NDST4: variants seen among roughly 807,000 people sequenced by gnomAD.
The protein encoded by NDST4 is N-deacetylase and N-sulfotransferase 4, also known as N-heparan sulfate sulfotransferase 4.
Under a neutral mutation model 100.8 loss-of-function variants are expected in NDST4, and 63 were observed. The ratio of observed to expected loss-of-function variants is 0.62; its 90% CI spans 0.51 to 0.77. The LOEUF is 0.77. Among genes scored for constraint, NDST4 ranks in the 30% least tolerant of loss-of-function variants. The pLI is 0.00. For missense variants in NDST4, 943 were observed against 1,018.4 expected (o/e 0.93, Z 1.01); for synonymous variants, 377 against 361.8 (o/e 1.04, Z -0.48).
intron 4 of NDST4, among the ~76,000 whole-genome samples, chr4:114,964,421 T>C (rs1254972334): frequency 6.6e-6 from 1 of 152,182 alleles, no homozygotes; most frequent in African/African-American, 2.4e-5. Context: ...AAAGTGTGTT[T>C]TAGGTCTTTA....
chr4:114,991,422 A>G (rs1168048218), intron 2 of NDST4, among the ~76,000 whole-genome samples: 3 of 152,066 alleles, frequency 2.0e-5, no homozygotes, highest in African/African-American at 7.2e-5. Context: ...AAGAAAAACT[A>G]TTCTCAAATA....
chr4:115,096,455 G>A (rs1398271109), intron 1 of NDST4, among the ~76,000 whole-genome samples: 2 of 151,772 alleles, frequency 1.3e-5, no homozygotes, highest in Non-Finnish European at 2.9e-5. Flanking sequence ...GTTCTCATCT[G>A]ATAATCTTGC....
At chr4:114,979,237 C>T (rs1401693114) in intron 2 of NDST4, among the ~76,000 whole-genome samples, 1 of 151,726 alleles carries the variant, frequency 6.6e-6, no homozygotes, top group Non-Finnish European at 1.5e-5. Flanking sequence ...TTGTATAAAG[C>T]CTCCTCTGGT....
intron 3 of NDST4, among the ~76,000 whole-genome samples, chr4:114,974,865 T>C (rs1553958550): frequency 6.6e-6 from 1 of 152,114 alleles, no homozygotes; most frequent in Non-Finnish European, 1.5e-5. Flanking sequence ...CAATCATTAT[T>C]ACACTGGGCC....
intron 1 of NDST4, among the ~76,000 whole-genome samples, chr4:115,108,025 TTG>T (rs1729865542): frequency 2.0e-5 from 3 of 152,002 alleles, no homozygotes; most frequent in African/African-American, 7.2e-5. Context: ...AATTTATTGA[TTG>T]TGTTTTATTT....
intron 2 of NDST4, among the ~76,000 whole-genome samples, chr4:115,029,297 A>AT (rs1203737980): frequency 2.6e-5 from 4 of 152,104 alleles, no homozygotes; most frequent in Non-Finnish European, 5.9e-5. Context: ...CGGTTGAAAA[A>AT]TAGAGCAGCC....
At chr4:114,895,848 CA>C (rs1172579356) in intron 6 of NDST4, among the ~76,000 whole-genome samples, 2 of 152,010 alleles carry the variant, frequency 1.3e-5, no homozygotes, top group East Asian at 3.9e-4. Context: ...CCACCACGAT[CA>C]AGTTGGCTTC....
intron 1 of NDST4, among the ~76,000 whole-genome samples, chr4:115,095,831 C>G (rs1729610429): frequency 6.6e-6 from 1 of 152,024 alleles, no homozygotes; most frequent in South Asian, 2.1e-4. Context: ...TATGCTAGGT[C>G]TTTTCATTAT....
At chr4:115,066,524 C>T (rs1325656354) in intron 2 of NDST4, among the ~76,000 whole-genome samples, 2 of 152,134 alleles carry the variant, frequency 1.3e-5, no homozygotes, top group Admixed American at 1.3e-4. Flanking sequence ...GAGGTCACTG[C>T]TGACTGCCAA....
intron 6 of NDST4, among the ~76,000 whole-genome samples, chr4:114,921,582 C>T (rs1337159396): frequency 6.6e-6 from 1 of 152,070 alleles, no homozygotes; most frequent in East Asian, 1.9e-4. Context: ...AATAAAATCA[C>T]TTGCTTTTTA....
Position 114,970,689 on chromosome 4 carries a change from T to A in NDST4, c.1067-105A>T, listed in dbSNP as rs188098413. ...ATTTTTCATGCTGCTGATACATATA[T>A]CCAATTCTGTGGGCTTTTTAAATCA... is the stretch of plus-strand genomic sequence containing the variant. On this transcript the variant is annotated intron_variant, in intron 3 of 13. Coordinates refer to ENST00000264363, the MANE Select transcript of NDST4 (RefSeq NM_022569.3). 3.8e-5 allele frequency: 35 copies of A among 928,754 alleles called. No individual in the cohort carries two copies. In the African/African-American group the frequency reaches 5.5e-4, roughly 15 times the overall value. The allele number at this position is 928,754 out of a possible 1,614,324, so 57.5% of individuals were successfully genotyped here.
chr4:114,989,408 A>C (rs1726987400), intron 2 of NDST4, among the ~76,000 whole-genome samples: 1 of 152,224 alleles, frequency 6.6e-6, no homozygotes, highest in Non-Finnish European at 1.5e-5. Context: ...TACCTATTCA[A>C]GAAATATTTA....
chr4:114,937,939 A>G (rs1725667120), intron 4 of NDST4, among the ~76,000 whole-genome samples: 1 of 152,054 alleles, frequency 6.6e-6, no homozygotes, highest in Non-Finnish European at 1.5e-5. Flanking sequence ...TGAATAATGA[A>G]GTGATGAGCT....
intron 4 of NDST4, among the ~76,000 whole-genome samples, chr4:114,954,866 G>T (rs1267566405): frequency 3.3e-5 from 5 of 152,044 alleles, no homozygotes; most frequent in Non-Finnish European, 7.4e-5. Flanking sequence ...TGAATTCTCT[G>T]CAAATCTGGT....
At chr4:114,929,022 ATCTGTCTGTCTGTCTG>A (rs751296369) in intron 6 of NDST4, among the ~76,000 whole-genome samples, 2 of 139,850 alleles carry the variant, frequency 1.4e-5, no homozygotes, top group Non-Finnish European at 3.1e-5. Flanking sequence ...ATCCCTATCT[ATCTGTCTGTCTGTCTG>A]TCTGTCCGTC....
intron 7 of NDST4, among the ~76,000 whole-genome samples, chr4:114,862,149 C>T (rs7666328): frequency 0.07 from 10,675 of 152,012 alleles, 415 homozygotes; most frequent in African/African-American, 0.1. Context: ...ATTTAGCAAT[C>T]GGCATAGACT....
chr4:115,100,736 C>G (rs112971586), intron 1 of NDST4, among the ~76,000 whole-genome samples: 2,240 of 151,926 alleles, frequency 0.015, 33 homozygotes, highest in African/African-American at 0.032. Flanking sequence ...TTTCCCTGCA[C>G]CCCAAAGCAC....
intron 4 of NDST4, among the ~76,000 whole-genome samples, chr4:114,959,949 A>G (rs1310824918): frequency 2.0e-5 from 3 of 152,190 alleles, no homozygotes; most frequent in African/African-American, 4.8e-5. Flanking sequence ...TCAGTGAACT[A>G]GAACTAAAAT....
At chr4:115,021,114 T>C (rs929383642) in intron 2 of NDST4, among the ~76,000 whole-genome samples, 2 of 152,056 alleles carry the variant, frequency 1.3e-5, no homozygotes, top group African/African-American at 2.4e-5. Context: ...TGCATACACA[T>C]GTTTATAGCA....
Sources: gnomAD v4.1 joint callset for allele counts (sites outside exome capture counted in the v4.1 genomes callset) on GRCh38, gnomAD v4.1.1 for gene constraint, MANE v1.5 for transcripts, NCBI Gene and HGNC (gene_info 2026-07-23, HGNC 2026-07-21) for gene names.